Variants in CKM observed in about 807,000 individuals in gnomAD.
The protein encoded by CKM is creatine kinase M-type.
Under a neutral mutation model 35.4 loss-of-function variants are expected in CKM, and 28 were observed. That is an observed-to-expected ratio of 0.79 (90% CI 0.59 to 1.08). The LOEUF (loss-of-function observed/expected upper bound fraction) is 1.08. Among genes scored for constraint, CKM ranks in the 50% least tolerant of loss-of-function variants. CKM has a pLI of 0.00. For synonymous variants in CKM, 215 were observed against 204.4 expected (o/e 1.05, Z -0.44); for missense variants, 484 against 509.8 (o/e 0.95, Z 0.49).
intron 3 of CKM, among the ~76,000 whole-genome samples, chr19:45,316,877 G>T (rs1971163378): frequency 6.6e-6 from 1 of 151,838 alleles, no homozygotes; most frequent in South Asian, 2.1e-4. Flanking sequence ...AATAGAGACT[G>T]GGTTTCACCG....
At chr19:45,321,836 G>T (rs1334499019) in intron 1 of CKM, among the ~76,000 whole-genome samples, 2 of 152,118 alleles carry the variant, frequency 1.3e-5, no homozygotes, top group Non-Finnish European at 2.9e-5. Context: ...TCCAGCAGCG[G>T]TGGGAGACGG....
intron 1 of CKM, among the ~76,000 whole-genome samples, chr19:45,321,339 C>G (rs1971212276): frequency 6.6e-6 from 1 of 152,086 alleles, no homozygotes; most frequent in South Asian, 2.1e-4. Context: ...GGCTGGGTAG[C>G]TGCCCCCACC....
intron 2 of CKM, among the ~76,000 whole-genome samples, chr19:45,318,651 G>A (rs997558771): frequency 2.0e-5 from 3 of 151,984 alleles, no homozygotes; most frequent in South Asian, 2.1e-4. Flanking sequence ...GGCTACCACC[G>A]TACCACAGAG....
Position 45,306,582 on chromosome 19 carries a change from C to A in CKM, c.*168G>T, listed in dbSNP as rs2123127886. 1.5e-6 allele frequency: 1 copy of A among 686,804 alleles called. No homozygotes were observed. The highest frequency in any genetic ancestry group is 2.5e-5 in the East Asian group (1 of 39,540). The allele number at this position is 686,804 out of a possible 1,614,324, so 42.5% of individuals were successfully genotyped here. A position where few individuals can be genotyped will look rare whatever the true frequency, so the allele number is the denominator to read the frequency against. On this transcript the variant is annotated 3_prime_UTR_variant, in exon 8 of 8. Transcript: ENST00000221476. The surrounding 1 kb of genome is among the most constrained non-coding windows in gnomAD (Gnocchi z 4.5). ...TTGGCCAGAATCCAGAGGATGGAGC[C>A]CATTGGTTGGAACTCTGGTTGAAAC...
rs142092440 is a variant in CKM, at chr19:45,306,752, A to G, written c.1144T>C (p.Ter382GlnextTer87). ...SIDDMIPAQK[*>Q] The stretch of plus-strand genomic sequence containing the variant: ...GTCGGTGGCAGGTGGGCAGGCGCCT[A>G]CTTCTGGGCGGGGATCATGTCGTCA... Residue 382 changes from the stop codon to glutamine, a stop_lost, in exon 8 of 8, where the codon TAG becomes CAG. Transcript: ENST00000221476. The surrounding 1 kb of genome is among the most constrained non-coding windows in gnomAD (Gnocchi z 4.5). 1,667 of 1,614,078 alleles carry G rather than the reference A, an allele frequency of 1.0e-3. 4 individuals carry two copies. The highest frequency in any genetic ancestry group is 1.1e-3 in the Non-Finnish European group (1,250 of 1,180,002).
Position 45,311,937 on chromosome 19 carries a change from G to C in CKM, c.482-17C>G, listed in dbSNP as rs200389705. Reference sequence around the variant, plus strand: ...TGTTGAGAGCTATGGGGACACACGAGGGAGTGGTCAGCAGCCTGTCCCACC... The same window carrying C: ...TGTTGAGAGCTATGGGGACACACGACGGAGTGGTCAGCAGCCTGTCCCACC... On this transcript the variant is annotated splice_polypyrimidine_tract_variant and intron_variant, in intron 4 of 7. Coordinates refer to ENST00000221476, the MANE Select transcript of CKM (RefSeq NM_001824.5). 46 of 1,613,418 alleles carry C rather than the reference G, an allele frequency of 2.9e-5. No homozygotes were observed. The African/African-American group carries it at 5.1e-4, about 18-fold the overall frequency.
rs1184355689 is a variant in CKM at position 45,308,445 on chromosome 19, C to T, written c.741G>A (p.Lys247=). The change falls in exon 6 of 8, where the codon AAG becomes AAA. Residue 247 remains lysine, a synonymous_variant. Coordinates refer to ENST00000221476, the MANE Select transcript of CKM (RefSeq NM_001824.5). The part of the protein sequence containing the change: ...VISMEKGGNM[K]EVFRRFCVGL... ...CTACGCAGAAGCGGCGGAAAACCTC[C>T]TTCATGTTGCCCCCCTTCTCCATGG... 3.7e-6 allele frequency: 6 copies of T among 1,614,062 alleles called. No individual in the cohort carries two copies. The highest frequency in any genetic ancestry group is 1.1e-5 in the South Asian group (1 of 91,090).
rs774984373 is a variant in CKM at position 45,318,373 on chromosome 19, C to G, written c.194-394G>C. Among the ~76,000 whole-genome samples the G allele has an allele frequency of 1.0e-3, 156 of 151,086 alleles. 1 individual carries two copies. Among genetic ancestry groups the G allele is most frequent in the Non-Finnish European group, 1.9e-3 (131 of 67,832 alleles). On this transcript the variant is annotated intron_variant, in intron 2 of 7. Coordinates refer to ENST00000221476, the MANE Select transcript of CKM (RefSeq NM_001824.5). ...AGTGAGCCAAGATCACACCACTGCA[C>G]TCCAGCCTGGGTGACAGAGCAAGAC...
intron 2 of CKM, among the ~76,000 whole-genome samples, chr19:45,319,161 T>C (rs1384374310): frequency 2.6e-5 from 4 of 152,126 alleles, no homozygotes; most frequent in Non-Finnish European, 5.9e-5. Context: ...CTGGCCCCCC[T>C]GTCAGAGCTT....
chr19:45,307,014 G>A (rs2090650961), intron 7 of CKM, 86 bp from the exon 8 acceptor site: 9 of 1,348,192 alleles, frequency 6.7e-6, no homozygotes, highest in Admixed American at 1.7e-5. Flanking sequence ...TGCAACAGCC[G>A]CATGTAGTGA....
In CKM at chr19:45,320,298, G is replaced by C. The variant is rs574715331; in HGVS notation, c.-18-567C>G. Among the ~76,000 whole-genome samples the C allele has an allele frequency of 3.3e-5, 5 of 150,548 alleles. No individual in the cohort carries two copies. The South Asian group carries it at 1.1e-3, about 32-fold the overall frequency. On this transcript the variant is annotated intron_variant, in intron 1 of 7. Transcript: ENST00000221476. Reference sequence around the variant, plus strand: ...GAGATGGGGTTTCACCATCTCTACTGGTTGGCCAGGCTGGTCTCGAACTCC... The same window carrying C: ...GAGATGGGGTTTCACCATCTCTACTCGTTGGCCAGGCTGGTCTCGAACTCC...
At chr19:45,310,981 C>T (rs1484222304) in intron 5 of CKM, among the ~76,000 whole-genome samples, 4 of 146,204 alleles carry the variant, frequency 2.7e-5, no homozygotes, top group South Asian at 2.2e-4. Flanking sequence ...GGGGTTTCAC[C>T]GTGTTAGCCA....
chr19:45,316,191 G>C (rs976129901), intron 3 of CKM, among the ~76,000 whole-genome samples: 1 of 151,840 alleles, frequency 6.6e-6, no homozygotes, highest in African/African-American at 2.4e-5. Flanking sequence ...TTAGCTGGGC[G>C]TGGTGGTGCG....
chr19:45,311,003 A>C (rs1260008574), intron 5 of CKM, among the ~76,000 whole-genome samples: 2 of 144,828 alleles, frequency 1.4e-5, no homozygotes, highest in African/African-American at 5.2e-5. Context: ...GATGGTGTCA[A>C]TCTCCTGACC....
rs748359122 is a variant in CKM, at chr19:45,319,597, G to A, written c.117C>T (p.Tyr39=). 6 of 1,613,976 alleles carry A rather than the reference G, an allele frequency of 3.7e-6. No homozygotes were observed. In the South Asian group the frequency reaches 6.6e-5, roughly 18 times the overall value. ...HMAKVLTLEL[Y]KKLRDKETPS... ...GAGTCTCCTTGTCCCGCAGCTTCTT[G>A]TAGAGTTCAAGGGTCAGTACCTTGG... The change falls in exon 2 of 8, where the codon TAC becomes TAT. Residue 39 remains tyrosine, a synonymous_variant. Coordinates refer to ENST00000221476, the MANE Select transcript of CKM (RefSeq NM_001824.5).
At chr19:45,307,691 C>CTACTCGGGAGGCTG in intron 6 of CKM, 41 bp from the exon 7 acceptor site, 1 of 1,573,830 alleles carries the variant, frequency 6.4e-7, no homozygotes. Flanking sequence ...CGCCGGCAGG[C>CTACTCGGGAGGCTG]ACCCCCAAAT....
At chr19:45,319,795 CT>C (rs372944853) in intron 1 of CKM, 64 bp from the exon 2 acceptor site, 127,353 of 942,206 alleles carry the variant, frequency 0.14, no homozygotes, top group South Asian at 0.17. Flanking sequence ...TCTTCTTCTT[CT>C]TTTTTTTTTT....
At chr19:45,321,123 T>G (rs1411176849) in intron 1 of CKM, among the ~76,000 whole-genome samples, 1 of 151,426 alleles carries the variant, frequency 6.6e-6, no homozygotes, top group African/African-American at 2.4e-5. Context: ...AGGCTGGTCT[T>G]GAACTCCTGA....
At position 45,307,528 on chromosome 19, in the gene CKM, C is replaced by T. The variant is rs538248814; in HGVS notation, c.900G>A (p.Ala300=). Reference sequence around the variant, plus strand: ...CGAACTTGGGGTGCTTGCTCAGGTGCGCCAGCTTCACATGCACGCCTCCAC... The same window carrying T: ...CGAACTTGGGGTGCTTGCTCAGGTGTGCCAGCTTCACATGCACGCCTCCAC... The part of the protein sequence containing the change: ...GLRGGVHVKL[A]HLSKHPKFEE... The change falls in exon 7 of 8, where the codon GCG becomes GCA. Residue 300 remains alanine (A), a synonymous_variant. Coordinates refer to ENST00000221476, the MANE Select transcript of CKM (RefSeq NM_001824.5). 1.2e-6 allele frequency: 2 copies of T among 1,614,040 alleles called. No homozygotes were observed. The highest frequency in any genetic ancestry group is 2.2e-5 in the East Asian group (1 of 44,880).
Sources: gnomAD v4.1 joint callset for allele counts (sites outside exome capture counted in the v4.1 genomes callset) on GRCh38, gnomAD v4.1.1 for gene constraint, Gnocchi (gnomAD v3.1) non-coding constraint, MANE v1.5 for transcripts, NCBI Gene and HGNC (gene_info 2026-07-23, HGNC 2026-07-21) for gene names.